PLEKHG1: variants seen among roughly 807,000 people sequenced by gnomAD.
The protein encoded by PLEKHG1 is pleckstrin homology and RhoGEF domain containing G1.
A neutral mutation model predicts 100.8 loss-of-function variants in PLEKHG1; 44 were observed. The observed-to-expected ratio is 0.44, with a 90% CI of 0.34 to 0.56. The LOEUF is 0.56. Ranked by LOEUF, PLEKHG1 falls within the 20% of genes least tolerant of loss-of-function variation. The pLI is 0.01. For synonymous variants in PLEKHG1, 640 were observed against 662.5 expected (o/e 0.97, Z 0.52); for missense variants, 1,545 against 1,720.9 (o/e 0.90, Z 1.81).
intron 1 of PLEKHG1, among the ~76,000 whole-genome samples, chr6:150,603,333 G>A (rs1052982844): frequency 6.6e-6 from 1 of 152,058 alleles, no homozygotes. Flanking sequence ...CAATCCATTC[G>A]GTCATTCAGA....
Position 150,821,113 on chromosome 6 carries a change from GGC to G in PLEKHG1, c.1409-81_1409-80del. 7.6e-6 allele frequency: 8 copies of G among 1,057,724 alleles called. No homozygotes were observed. In the South Asian group the frequency reaches 1.1e-4, roughly 14 times the overall value. 65.5% of individuals were successfully genotyped at this position (1,057,724 alleles called of 1,614,324 possible). On this transcript the variant is annotated intron_variant, in intron 12 of 15. Coordinates refer to ENST00000358517, the Ensembl canonical transcript of PLEKHG1. ...ATAGAGCTCTGTTAATCTGTCAATAGGCTCATAATCCTCTTATAAAGAATAAA... is the reference window on the plus strand; with the variant it reads ...ATAGAGCTCTGTTAATCTGTCAATAGTCATAATCCTCTTATAAAGAATAAA...
intron 3 of PLEKHG1, among the ~76,000 whole-genome samples, chr6:150,661,393 G>A (rs76924464): frequency 2.8e-3 from 426 of 152,326 alleles, no homozygotes; most frequent in African/African-American, 9.7e-3. Context: ...GATGTTATAT[G>A]CAGGCAATCT....
chr6:150,832,171 C>A (rs1275022966), exon 15 of PLEKHG1: 4 of 1,606,094 alleles, frequency 2.5e-6, no homozygotes, highest in Non-Finnish European at 3.4e-6. Context: ...TGGCTGCCAT[C>A]TTGGAAGAGA....
intron 3 of PLEKHG1, among the ~76,000 whole-genome samples, chr6:150,693,423 C>T (rs1267992318): frequency 1.3e-5 from 2 of 152,192 alleles, no homozygotes; most frequent in East Asian, 3.8e-4. Flanking sequence ...GCTCTTGTGT[C>T]AGCAAACAAA....
exon 15 of PLEKHG1, chr6:150,830,948 G>T: frequency 6.2e-7 from 1 of 1,614,016 alleles, no homozygotes; most frequent in Non-Finnish European, 8.5e-7. Context: ...CAGCAGTGCT[G>T]GGGAGAGCAA....
In PLEKHG1 at chr6:150,736,094, G is replaced by A. The variant is rs185681118; in HGVS notation, c.411+2002G>A. ...TAGTTTTGGCCTTATGGGGCCTAAG[G>A]TCTTGGTCACAACTGATGAACTCTG... On this transcript the variant is annotated intron_variant, in intron 2 of 15. Coordinates refer to ENST00000358517, the Ensembl canonical transcript of PLEKHG1. Among the ~76,000 whole-genome samples, 232 of 152,310 alleles carry A rather than the reference G, an allele frequency of 1.5e-3. 1 individual carries two copies. Among genetic ancestry groups the A allele is most frequent in the African/African-American group, 5.4e-3 (225 of 41,572 alleles).
At chr6:150,837,218 A>G (rs1244323345) in intron 15 of PLEKHG1, among the ~76,000 whole-genome samples, 1 of 151,566 alleles carries the variant, frequency 6.6e-6, no homozygotes, top group African/African-American at 2.4e-5. Context: ...CAACACAGCA[A>G]TACAAATTGT....
chr6:150,664,309 A>G (rs1405443577), intron 3 of PLEKHG1: 1 of 152,148 alleles, frequency 6.6e-6, no homozygotes, highest in Non-Finnish European at 1.5e-5. Context: ...ACCATACTCA[A>G]TGCCCGCACT....
intron 3 of PLEKHG1, among the ~76,000 whole-genome samples, chr6:150,670,875 C>A (rs941281428): frequency 2.7e-5 from 4 of 148,808 alleles, no homozygotes; most frequent in East Asian, 3.9e-4. Context: ...CCTTGCCCCC[C>A]CCTCCCATTC....
At chr6:150,774,816 C>G (rs1007178181) in intron 3 of PLEKHG1, among the ~76,000 whole-genome samples, 1 of 151,604 alleles carries the variant, frequency 6.6e-6, no homozygotes, top group Admixed American at 6.6e-5. Context: ...CAGGGGGGAG[C>G]CACTGTGCCA....
intron 2 of PLEKHG1, among the ~76,000 whole-genome samples, chr6:150,761,246 C>T (rs1162256744): frequency 4.0e-5 from 6 of 151,798 alleles, no homozygotes. Flanking sequence ...GCTGGGACTA[C>T]AGGGATGCGC....
At chr6:150,776,701 G>A (rs1784984188) in intron 3 of PLEKHG1, among the ~76,000 whole-genome samples, 4 of 150,766 alleles carry the variant, frequency 2.7e-5, no homozygotes, top group Admixed American at 1.3e-4. Flanking sequence ...TGGCGTACAT[G>A]TGCGGTTGCA....
chr6:150,742,217 A>T (rs1015165832), intron 2 of PLEKHG1, among the ~76,000 whole-genome samples: 3 of 152,218 alleles, frequency 2.0e-5, no homozygotes, highest in African/African-American at 7.2e-5. Flanking sequence ...ATGAGGTCTC[A>T]GGAAGCCTCC....
chr6:150,630,501 A>G (rs1230650520), intron 1 of PLEKHG1, among the ~76,000 whole-genome samples: 2 of 152,224 alleles, frequency 1.3e-5, no homozygotes, highest in African/African-American at 4.8e-5. Context: ...GATGAAGCCA[A>G]GGATATTATC....
At chr6:150,720,883 G>A (rs1185194448), upstream of PLEKHG1, among the ~76,000 whole-genome samples, 1 of 152,222 alleles carries the variant, frequency 6.6e-6, no homozygotes, top group Non-Finnish European at 1.5e-5. Flanking sequence ...GTGTTGCTCA[G>A]TGAAGTGTGC....
chr6:150,784,045 G>A (rs1425452866), intron 3 of PLEKHG1, among the ~76,000 whole-genome samples: 1 of 152,194 alleles, frequency 6.6e-6, no homozygotes, highest in Non-Finnish European at 1.5e-5. Context: ...ACTCTCATGA[G>A]AGAATGAAAG....
intron 1 of PLEKHG1, among the ~76,000 whole-genome samples, chr6:150,727,204 A>G (rs1782003218): frequency 6.6e-6 from 1 of 152,204 alleles, no homozygotes; most frequent in Non-Finnish European, 1.5e-5. Flanking sequence ...AATAGCAATG[A>G]GCAGAATTTG....
chr6:150,630,400 G>A lies in PLEKHG1; in HGVS notation c.-203-7680G>A, dbSNP rs1777697715. Reference sequence around the variant, plus strand: ...GGATCAGGGTGAAAACTGAAGAAGTGGTGAACCATGGTTGAGTGTCTGCTG... The same window carrying A: ...GGATCAGGGTGAAAACTGAAGAAGTAGTGAACCATGGTTGAGTGTCTGCTG... On this transcript the variant is annotated intron_variant, in intron 1 of 3. Transcript: ENST00000367326. Among the ~76,000 whole-genome samples, 6 of 152,198 alleles carry A rather than the reference G, an allele frequency of 3.9e-5. No homozygotes were observed. The South Asian group carries it at 1.2e-3, about 31-fold the overall frequency.
Position 150,832,220 on chromosome 6 carries a change from C to A in PLEKHG1, c.3094+15C>A. ...GCCCGCCATTGGTATGTGCACCCTG[C>A]CCTTCTTCCTTCTCCAAAGTAAGAG... is the stretch of plus-strand genomic sequence containing the variant. On this transcript the variant is annotated intron_variant, in intron 15 of 15. Coordinates refer to ENST00000358517, the Ensembl canonical transcript of PLEKHG1. The A allele has an allele frequency of 6.5e-7, 1 of 1,542,990 alleles. No individual in the cohort carries two copies. The highest frequency in any genetic ancestry group is 8.7e-7 in the Non-Finnish European group (1 of 1,151,506).
Sources: gnomAD v4.1 joint callset for allele counts (sites outside exome capture counted in the v4.1 genomes callset) on GRCh38, gnomAD v4.1.1 for gene constraint, MANE v1.5 for transcripts, NCBI Gene and HGNC (gene_info 2026-07-23, HGNC 2026-07-21) for gene names.